RPS6KA2: variants seen among roughly 807,000 people sequenced by gnomAD.
The protein encoded by RPS6KA2 is ribosomal protein S6 kinase alpha-2.
In RPS6KA2, 42 loss-of-function variants were observed where a neutral mutation model predicts 91.8. The ratio of observed to expected loss-of-function variants is 0.46; its 90% CI spans 0.36 to 0.59. The LOEUF (loss-of-function observed/expected upper bound fraction) is 0.59, where lower values mean the gene tolerates loss of function less well. RPS6KA2 is among the 20% of genes least tolerant of loss of function. RPS6KA2 has a pLI of 0.00. For missense variants in RPS6KA2, 798 were observed against 978.5 expected (o/e 0.82, Z 2.46); for synonymous variants, 414 against 393.6 (o/e 1.05, Z -0.61).
chr6:166,450,077 TGGG>T (rs1779829942), intron 13 of RPS6KA2, among the ~76,000 whole-genome samples: 1 of 144,648 alleles, frequency 6.9e-6, no homozygotes, highest in Non-Finnish European at 1.5e-5. Flanking sequence ...GAGACCATCA[TGGG>T]TACCACCGGG....
At chr6:166,535,370 G>A (rs1235897831) in intron 2 of RPS6KA2, among the ~76,000 whole-genome samples, 3 of 152,026 alleles carry the variant, frequency 2.0e-5, no homozygotes, top group Non-Finnish European at 2.9e-5. Flanking sequence ...GCACTTCCAG[G>A]GACTTTTGAG....
intron 1 of RPS6KA2, among the ~76,000 whole-genome samples, chr6:166,569,788 C>T (rs933181211): frequency 6.6e-6 from 1 of 152,214 alleles, no homozygotes. Context: ...GGACACCCCC[C>T]TCGGGAATAG....
intron 1 of RPS6KA2, among the ~76,000 whole-genome samples, chr6:166,610,545 G>A (rs907811282): frequency 2.6e-5 from 4 of 152,170 alleles, no homozygotes; most frequent in Non-Finnish European, 5.9e-5. Flanking sequence ...TGTTTCTGCC[G>A]AGGGCCATGG....
intron 10 of RPS6KA2, among the ~76,000 whole-genome samples, chr6:166,478,007 A>G (rs1462127192): frequency 6.6e-6 from 1 of 152,252 alleles, no homozygotes; most frequent in Admixed American, 6.5e-5. Context: ...GTTTGGATGA[A>G]TAAATACGTC....
chr6:166,795,773 G>A (rs1474248094), intron 2 of RPS6KA2, among the ~76,000 whole-genome samples: 1 of 152,138 alleles, frequency 6.6e-6, no homozygotes, highest in Non-Finnish European at 1.5e-5. Context: ...TGGGATGCTC[G>A]GACCACAGGA....
Position 166,495,662 on chromosome 6 carries a change from TG to T in RPS6KA2, c.747+2845del, listed in dbSNP as rs1781758456. On this transcript the variant is annotated intron_variant, in intron 8 of 20. Coordinates refer to ENST00000265678, the MANE Select transcript of RPS6KA2 (RefSeq NM_021135.6). The surrounding 1 kb of genome is among the most constrained non-coding windows in gnomAD (Gnocchi z 4.4). ...CAGGTGCAGGCACTTTTGTCTGTGC[TG>T]GGGCATCTTGGGTAAGGTGACTGGT... Among the ~76,000 whole-genome samples the T allele has an allele frequency of 6.6e-6, 1 of 152,166 alleles. No individual in the cohort carries two copies. The highest frequency in any genetic ancestry group is 2.4e-5 in the African/African-American group (1 of 41,424).
chr6:166,708,115 C>A (rs1390997001), intron 2 of RPS6KA2, among the ~76,000 whole-genome samples: 2 of 152,148 alleles, frequency 1.3e-5, no homozygotes, highest in Non-Finnish European at 2.9e-5. Context: ...AGAATTAAAT[C>A]TATATACTTA....
In RPS6KA2 at chr6:166,418,416, A is replaced by C; in HGVS notation, c.1821-74T>G. 1 of 1,094,864 alleles carries C rather than the reference A, an allele frequency of 9.1e-7. No individual in the cohort carries two copies. The highest frequency in any genetic ancestry group is 1.4e-6 in the Non-Finnish European group (1 of 715,884). 67.8% of individuals were successfully genotyped at this position (1,094,864 alleles called of 1,614,324 possible). A position where few individuals can be genotyped will look rare whatever the true frequency, so the allele number is the denominator to read the frequency against. ...AAAATAAAGTTTGCAAGTTGATATC[A>C]CCCCTTGGCTGTTCAAAGGAATAGC... On this transcript the variant is annotated intron_variant, in intron 18 of 20. Coordinates refer to ENST00000265678, the MANE Select transcript of RPS6KA2 (RefSeq NM_021135.6). This position sits in a 1 kb window ranked among gnomAD's most constrained non-coding sequence, Gnocchi z 4.9.
chr6:166,436,280 T>C (rs1253939563), intron 14 of RPS6KA2, among the ~76,000 whole-genome samples: 1 of 145,702 alleles, frequency 6.9e-6, no homozygotes, highest in African/African-American at 2.6e-5. Flanking sequence ...TTAAAACTAA[T>C]GTCAGCAGTA....
intron 1 of RPS6KA2, among the ~76,000 whole-genome samples, chr6:166,860,676 A>C (rs1583187185): frequency 6.6e-6 from 1 of 152,286 alleles, no homozygotes; most frequent in African/African-American, 2.4e-5. Context: ...AGGGCTGAGC[A>C]CCTTACAGCT....
intron 2 of RPS6KA2, among the ~76,000 whole-genome samples, chr6:166,832,036 T>TGATA (rs58214863): frequency 0.18 from 26,043 of 147,920 alleles, 2,252 homozygotes; most frequent in Non-Finnish European, 0.19. Context: ...AGATGATACA[T>TGATA]GATAGATAGA....
intron 2 of RPS6KA2, among the ~76,000 whole-genome samples, chr6:166,664,846 T>G (rs1249742717): frequency 6.6e-6 from 1 of 152,108 alleles, no homozygotes; most frequent in African/African-American, 2.4e-5. Flanking sequence ...CCCTACTGGA[T>G]ATGAGGTGCA....
intron 1 of RPS6KA2, among the ~76,000 whole-genome samples, chr6:166,561,590 T>C (rs1234990396): frequency 1.3e-5 from 2 of 151,546 alleles, no homozygotes. Flanking sequence ...TGCTTACCTG[T>C]GACAGTTTCT....
chr6:166,555,189 CAG>C (rs1362400487), intron 1 of RPS6KA2, among the ~76,000 whole-genome samples: 1 of 152,166 alleles, frequency 6.6e-6, no homozygotes, highest in Non-Finnish European at 1.5e-5. Flanking sequence ...TCATAAGTGA[CAG>C]GGGTGAGAAG....
chr6:166,690,998 T>A (rs936908878), intron 2 of RPS6KA2, among the ~76,000 whole-genome samples: 1 of 152,212 alleles, frequency 6.6e-6, no homozygotes, highest in African/African-American at 2.4e-5. Flanking sequence ...GTAAACAGCA[T>A]AATAATCAAC....
At chr6:166,686,693 G>A (rs1789029115) in intron 2 of RPS6KA2, among the ~76,000 whole-genome samples, 1 of 152,146 alleles carries the variant, frequency 6.6e-6, no homozygotes, top group Non-Finnish European at 1.5e-5. Context: ...GGCTGAGCTG[G>A]GTCCATGCCT....
chr6:166,545,298 T>G (rs1431741737), intron 1 of RPS6KA2, among the ~76,000 whole-genome samples: 1 of 152,194 alleles, frequency 6.6e-6, no homozygotes, highest in East Asian at 1.9e-4. Context: ...TCCTAGAATA[T>G]CACTTTTTCT....
intron 2 of RPS6KA2, among the ~76,000 whole-genome samples, chr6:166,793,405 T>A (rs1779145673): frequency 6.7e-6 from 1 of 149,874 alleles, no homozygotes; most frequent in African/African-American, 2.5e-5. Flanking sequence ...GAAGAATCAA[T>A]ATCGTGAAAA....
chr6:166,617,790 G>A (rs1786472223), intron 1 of RPS6KA2, among the ~76,000 whole-genome samples: 1 of 152,232 alleles, frequency 6.6e-6, no homozygotes, highest in African/African-American at 2.4e-5. Context: ...GGCCACGCAT[G>A]GCTCGGGGGC....
Sources: allele counts gnomAD v4.1 joint callset (sites outside exome capture counted in the v4.1 genomes callset), GRCh38; gene constraint gnomAD v4.1.1; non-coding constraint Gnocchi (gnomAD v3.1); transcripts MANE v1.5; gene names NCBI Gene and HGNC (gene_info 2026-07-23, HGNC 2026-07-21).